ETV6: variants seen among roughly 807,000 people sequenced by gnomAD.
ETV6 encodes the protein transcription factor ETV6.
In ETV6, 16 loss-of-function variants were observed where a neutral mutation model predicts 51.1. The ratio of observed to expected loss-of-function variants is 0.31; its 90% CI spans 0.21 to 0.48. The LOEUF is 0.48. Among genes scored for constraint, ETV6 ranks in the 20% least tolerant of loss-of-function variants. The probability of loss-of-function intolerance (pLI) is 0.99; values close to 1 mark genes in which losing one functional copy is unlikely to be tolerated. For missense variants in ETV6, 458 were observed against 594.8 expected (o/e 0.77, Z 2.39); for synonymous variants, 240 against 224.1 (o/e 1.07, Z -0.64).
In ETV6 at chr12:11,650,180, C is replaced by G. The variant is rs1022540137; in HGVS notation, c.33+20C>G. On this transcript the variant is annotated intron_variant, in intron 1 of 7. Transcript: ENST00000396373. ...ATTAAGGTAAAAATCTTCTCCCCTC[C>G]TTCTACGTGGTGGAAACCCTGAGCT... The G allele has an allele frequency of 6.2e-7, 1 of 1,610,436 alleles. No individual in the cohort carries two copies. Among genetic ancestry groups the G allele is most frequent in the Admixed American group, 1.7e-5 (1 of 59,990 alleles).
chr12:11,697,371 G>T (rs1351547607), intron 1 of ETV6, among the ~76,000 whole-genome samples: 1 of 152,198 alleles, frequency 6.6e-6, no homozygotes, highest in African/African-American at 2.4e-5. Context: ...ACAGGTGCAG[G>T]AAAAGTTGAA....
intron 2 of ETV6, among the ~76,000 whole-genome samples, chr12:11,838,821 A>G (rs1946350616): frequency 6.6e-6 from 1 of 152,244 alleles, no homozygotes; most frequent in Non-Finnish European, 1.5e-5. Flanking sequence ...TCTAAGACCT[A>G]CCATCCCTTA....
At chr12:11,752,236 G>A (rs1365383943) in intron 1 of ETV6, among the ~76,000 whole-genome samples, 1 of 152,144 alleles carries the variant, frequency 6.6e-6, no homozygotes, top group Non-Finnish European at 1.5e-5. Context: ...TTTCAACGAT[G>A]GCAGAGTTTT....
At chr12:11,722,607 A>G (rs1351661772) in intron 1 of ETV6, among the ~76,000 whole-genome samples, 1 of 152,182 alleles carries the variant, frequency 6.6e-6, no homozygotes, top group Non-Finnish European at 1.5e-5. Context: ...TAGGCTTTCT[A>G]CGTCAAAGAG....
In ETV6 at chr12:11,890,459, A is replaced by G. The variant is rs1313088286; in HGVS notation, c.1254-482A>G. Among the ~76,000 whole-genome samples the G allele has an allele frequency of 2.0e-5, 3 of 150,772 alleles. No individual in the cohort carries two copies. In the East Asian group the frequency reaches 5.8e-4, roughly 29 times the overall value. ...TTTTTTTTCCAATAATTAGGATTTCACTTTGTCACCCAAGTTAGAGTGCAG... is the reference window on the plus strand; with the variant it reads ...TTTTTTTTCCAATAATTAGGATTTCGCTTTGTCACCCAAGTTAGAGTGCAG... On this transcript the variant is annotated intron_variant, in intron 7 of 7. Transcript: ENST00000396373.
intron 2 of ETV6, among the ~76,000 whole-genome samples, chr12:11,821,043 C>A (rs1946072457): frequency 1.3e-5 from 2 of 152,060 alleles, no homozygotes; most frequent in Admixed American, 1.3e-4. Flanking sequence ...ATAACACTTA[C>A]CAATGGACCA....
chr12:11,857,826 T>G (rs1946653926), intron 4 of ETV6, among the ~76,000 whole-genome samples: 2 of 152,214 alleles, frequency 1.3e-5, no homozygotes, highest in South Asian at 4.1e-4. Context: ...TCCCCAGTTA[T>G]AAGAAGGGGG....
chr12:11,768,656 C>CA (rs932521466), intron 2 of ETV6, among the ~76,000 whole-genome samples: 3 of 152,144 alleles, frequency 2.0e-5, no homozygotes, highest in African/African-American at 7.2e-5. Context: ...CTCGAAATGG[C>CA]AAAAAAGCCT....
chr12:11,683,292 C>G (rs1221722304), intron 1 of ETV6, among the ~76,000 whole-genome samples: 1 of 152,186 alleles, frequency 6.6e-6, no homozygotes, highest in East Asian at 1.9e-4. Context: ...GATCCGCCAG[C>G]CTTGGCCTTT....
At chr12:11,717,660 T>C (rs1865301948) in intron 1 of ETV6, among the ~76,000 whole-genome samples, 1 of 152,210 alleles carries the variant, frequency 6.6e-6, no homozygotes. Flanking sequence ...AGAAGCAATG[T>C]CTTTGTCATC....
chr12:11,708,306 G>A (rs1011151092), intron 1 of ETV6, among the ~76,000 whole-genome samples: 1 of 151,974 alleles, frequency 6.6e-6, no homozygotes, highest in Non-Finnish European at 1.5e-5. Context: ...TTTGAGAACA[G>A]ATAAAGCAGT....
chr12:11,861,081 T>TC (rs1354799531), intron 4 of ETV6, among the ~76,000 whole-genome samples: 1 of 152,206 alleles, frequency 6.6e-6, no homozygotes, highest in Admixed American at 6.5e-5. Flanking sequence ...CGCTGGGTCC[T>TC]CCATGACCCC....
At chr12:11,826,466 G>C (rs1946154860) in intron 2 of ETV6, 1 of 152,198 alleles carries the variant, frequency 6.6e-6, no homozygotes, top group South Asian at 2.1e-4. Context: ...AAGGGAGTGA[G>C]GGCTCCTACC....
intron 2 of ETV6, among the ~76,000 whole-genome samples, chr12:11,801,818 T>G (rs761261302): frequency 1.7e-4 from 26 of 152,288 alleles, no homozygotes; most frequent in Admixed American, 3.3e-4. Context: ...GGCCAGGAGA[T>G]GAAAGCCAGC....
chr12:11,710,637 G>GCTAATT (rs1241594824), intron 1 of ETV6, among the ~76,000 whole-genome samples: 1 of 152,136 alleles, frequency 6.6e-6, no homozygotes, highest in Non-Finnish European at 1.5e-5. Flanking sequence ...GTATCACAAT[G>GCTAATT]CTAGTATTAT....
chr12:11,841,215 G>A (rs141316358), intron 3 of ETV6, among the ~76,000 whole-genome samples: 5 of 152,320 alleles, frequency 3.3e-5, no homozygotes, highest in East Asian at 3.9e-4. Flanking sequence ...ACAAAGATAC[G>A]TGAAAATCTG....
chr12:11,849,726 C>G (rs1385451957), intron 3 of ETV6, among the ~76,000 whole-genome samples: 1 of 152,192 alleles, frequency 6.6e-6, no homozygotes, highest in Non-Finnish European at 1.5e-5. Flanking sequence ...CTACCCATCA[C>G]TGGAAGTACC....
intron 1 of ETV6, among the ~76,000 whole-genome samples, chr12:11,749,631 GT>G (rs1366816708): frequency 1.3e-5 from 2 of 152,182 alleles, no homozygotes; most frequent in African/African-American, 2.4e-5. Flanking sequence ...TAAGTGCGAG[GT>G]TATTGCAATA....
intron 2 of ETV6, among the ~76,000 whole-genome samples, chr12:11,814,096 G>T (rs1945955367): frequency 6.6e-6 from 1 of 152,026 alleles, no homozygotes; most frequent in Non-Finnish European, 1.5e-5. Context: ...TTATTAACTG[G>T]TACATTTTAT....
Sources: gnomAD v4.1 joint callset for allele counts (sites outside exome capture counted in the v4.1 genomes callset) on GRCh38, gnomAD v4.1.1 for gene constraint, MANE v1.5 for transcripts, NCBI Gene and HGNC (gene_info 2026-07-23, HGNC 2026-07-21) for gene names.